The following PEX11G variants were observed in gnomAD, a reference collection of about 807,000 sequenced individuals.
The protein encoded by PEX11G is peroxisomal biogenesis factor 11 gamma, also known as peroxisomal membrane protein 11C.
PEX11G carries 20 observed loss-of-function variants against 22.5 expected under a neutral mutation model. The ratio of observed to expected loss-of-function variants is 0.89; its 90% CI spans 0.62 to 1.29. The LOEUF (loss-of-function observed/expected upper bound fraction) is 1.29. Ranked by LOEUF, PEX11G falls within the 50% of genes most tolerant of loss-of-function variation. The pLI is 0.00. For missense variants in PEX11G, 347 were observed against 331.3 expected, an observed-to-expected ratio of 1.05 and a Z score of -0.37; for synonymous variants, 141 against 154.5, an observed-to-expected ratio of 0.91 and a Z score of 0.65.
At chr19:7,489,065 A>G (rs1197761209), upstream of PEX11G, 4 of 1,445,460 alleles carry the variant, frequency 2.8e-6, no homozygotes, top group South Asian at 1.4e-5. Flanking sequence ...GGGCGGGGCC[A>G]GGCCGGGGTA....
chr19:7,483,918 G>A (rs563203169), intron 2 of PEX11G, among the ~76,000 whole-genome samples: 1 of 152,186 alleles, frequency 6.6e-6, no homozygotes, highest in African/African-American at 2.4e-5. Context: ...GCAGGGACAA[G>A]GCTACTCTCT....
upstream of PEX11G, chr19:7,489,130 T>C (rs1472095807): frequency 2.4e-6 from 3 of 1,265,802 alleles, no homozygotes; most frequent in African/African-American, 1.6e-5. Flanking sequence ...TTTGTCCCCC[T>C]GACCGGCTTT....
chr19:7,494,940 G>C (rs2021951365), intron 1 of PEX11G, among the ~76,000 whole-genome samples: 1 of 152,092 alleles, frequency 6.6e-6, no homozygotes, highest in Non-Finnish European at 1.5e-5. Flanking sequence ...TCCTTACCAA[G>C]CACAGCTTTA....
At chr19:7,488,065 A>G (rs1357435176) in intron 1 of PEX11G, among the ~76,000 whole-genome samples, 1 of 152,236 alleles carries the variant, frequency 6.6e-6, no homozygotes, top group Non-Finnish European at 1.5e-5. Context: ...AGCCATAGGG[A>G]GAGTCTTGCA....
upstream of PEX11G, among the ~76,000 whole-genome samples, chr19:7,489,866 C>CTT (rs1438400981): frequency 8.5e-6 from 1 of 117,946 alleles, no homozygotes; most frequent in African/African-American, 3.1e-5. Context: ...TTTTTTTTTT[C>CTT]TTTTTTTTTG....
chr19:7,486,204 G>A (rs528713613), intron 1 of PEX11G, among the ~76,000 whole-genome samples, 178 bp from the exon 2 acceptor site: 10 of 152,112 alleles, frequency 6.6e-5, no homozygotes, highest in Admixed American at 2.6e-4. Flanking sequence ...TCGGCTCACC[G>A]CAGCCTCCAT....
At chr19:7,490,000 G>A (rs548008251), upstream of PEX11G, among the ~76,000 whole-genome samples, 11 of 152,220 alleles carry the variant, frequency 7.2e-5, no homozygotes, top group Non-Finnish European at 1.2e-4. Flanking sequence ...TGGGATCACA[G>A]CTGTGCACCA....
Position 7,478,314 on chromosome 19 carries a change from C to G in PEX11G, c.491G>C (p.Ser164Thr), listed in dbSNP as rs771906967. 6 of 1,610,726 alleles carry G rather than the reference C, an allele frequency of 3.7e-6. No individual in the cohort carries two copies. The South Asian group carries it at 6.6e-5, about 18-fold the overall frequency. Reference protein sequence around the residue: ...RLRSPTAPFTSPLPRGKRRAM... With the variant: ...RLRSPTAPFTTPLPRGKRRAM... ...CTGCTGGGTGATCACGGGCTCCTAC[C>G]TGGTGAAGGGCGCCGTGGGGCTCCG... The change falls in exon 4 of 5, where the codon AGC becomes ACC. Residue 164 changes from serine to threonine, a missense_variant and splice_region_variant. Physicochemically the swap from Ser to Thr is moderately conservative, Grantham distance 58. Coordinates refer to ENST00000221480, the MANE Select transcript of PEX11G (RefSeq NM_080662.4).
At chr19:7,485,787 T>C in intron 2 of PEX11G, 51 bp downstream of exon 2, 2 of 1,461,616 alleles carry the variant, frequency 1.4e-6, no homozygotes, top group Non-Finnish European at 1.8e-6. Context: ...TTTTAAAAAA[T>C]GTCCACTCAG....
chr19:7,491,534 G>C (rs145991157), upstream of PEX11G, among the ~76,000 whole-genome samples: 1 of 152,132 alleles, frequency 6.6e-6, no homozygotes, highest in African/African-American at 2.4e-5. Flanking sequence ...CTCCCAAAGT[G>C]CTGGGATTAC....
intron 3 of PEX11G, among the ~76,000 whole-genome samples, chr19:7,480,373 C>G (rs373705382): frequency 6.6e-6 from 1 of 152,356 alleles, no homozygotes; most frequent in South Asian, 2.1e-4. Context: ...CCAAGGCCCC[C>G]CTCTGACCGG....
chr19:7,485,796 A>G (rs780974963), intron 2 of PEX11G, 42 bp downstream of exon 2: 1 of 1,485,634 alleles, frequency 6.7e-7, no homozygotes, highest in South Asian at 1.4e-5. Flanking sequence ...ATGTCCACTC[A>G]GGTCCGCACC....
upstream of PEX11G, among the ~76,000 whole-genome samples, chr19:7,493,518 T>C (rs2021925986): frequency 6.9e-6 from 1 of 144,452 alleles, no homozygotes; most frequent in Non-Finnish European, 1.5e-5. Context: ...TTCTTGTTTG[T>C]TTTTGAGACA....
chr19:7,486,136 C>CT (rs143738237), intron 1 of PEX11G, 110 bp from the exon 2 acceptor site: 8,304 of 837,250 alleles, frequency 9.9e-3, no homozygotes, highest in South Asian at 0.012. Context: ...GGAAGATTCT[C>CT]TTTTTTTTTT....
intron 2 of PEX11G, 103 bp downstream of exon 2, chr19:7,485,735 C>G: frequency 9.2e-7 from 1 of 1,087,588 alleles, no homozygotes; most frequent in Non-Finnish European, 1.3e-6. Flanking sequence ...TCACAAAGTG[C>G]TGGGATTACA....
At chr19:7,480,294 G>T (rs537388939) in intron 3 of PEX11G, among the ~76,000 whole-genome samples, 1 of 152,012 alleles carries the variant, frequency 6.6e-6, no homozygotes, top group South Asian at 2.1e-4. Context: ...AGGAACCAAG[G>T]CTGCCCCTAA....
At position 7,477,134 on chromosome 19, in the gene PEX11G, G is replaced by C; in HGVS notation, c.*68C>G. ...CATGAGAGCCCCGGCCCCTGCCCTG[G>C]CGGCTTCTGCTTTGCGGGAAGGGCC... is the stretch of plus-strand genomic sequence containing the variant. On this transcript the variant is annotated 3_prime_UTR_variant, in exon 5 of 5. Transcript: ENST00000221480. 7.4e-7 allele frequency: 1 copy of C among 1,351,466 alleles called. No homozygotes were observed. Among genetic ancestry groups the C allele is most frequent in the Non-Finnish European group, 9.7e-7 (1 of 1,033,930 alleles). The allele number at this position is 1,351,466 out of a possible 1,614,324, so 83.7% of individuals were successfully genotyped here. A position where few individuals can be genotyped will look rare whatever the true frequency, so the allele number is the denominator to read the frequency against.
At chr19:7,489,851 C>CTTTT (rs55711330), upstream of PEX11G, among the ~76,000 whole-genome samples, 21 of 143,852 alleles carry the variant, frequency 1.5e-4, no homozygotes, top group South Asian at 2.2e-4. Context: ...CTGGAGACGT[C>CTTTT]TTTTTTTTTT....
In PEX11G at chr19:7,488,994, C is replaced by G. The variant is rs1445563674; in HGVS notation, c.17G>C (p.Gly6Ala). 1.9e-6 allele frequency: 3 copies of G among 1,545,002 alleles called. No homozygotes were observed. The highest frequency in any genetic ancestry group is 1.2e-5 in the South Asian group (1 of 83,992). Residue 6 changes from glycine (G) to alanine (A), a missense_variant, in exon 1 of 5, where the codon GGC becomes GCC. Transcript: ENST00000221480. The part of the protein sequence containing the change: MASLS[G>A]LASALESYRG... ...GTACGACTCCAGCGCCGACGCCAGGCCGCTCAGCGACGCCATGGCAACTCC... is the reference window on the plus strand; with the variant it reads ...GTACGACTCCAGCGCCGACGCCAGGGCGCTCAGCGACGCCATGGCAACTCC...
Sources: allele counts gnomAD v4.1 joint callset (sites outside exome capture counted in the v4.1 genomes callset), GRCh38; gene constraint gnomAD v4.1.1; transcripts MANE v1.5; gene names NCBI Gene and HGNC (gene_info 2026-07-23, HGNC 2026-07-21).